Variants in MMS22L observed in about 807,000 individuals in gnomAD.
MMS22L encodes the protein MMS22 like, DNA repair protein, also known as protein MMS22-like.
In MMS22L, 74 loss-of-function variants were observed where a neutral mutation model predicts 159.1. The observed-to-expected ratio is 0.47, with a 90% CI of 0.39 to 0.56. MMS22L has a LOEUF of 0.56. MMS22L is among the 20% of genes least tolerant of loss of function. MMS22L has a pLI of 0.00. For synonymous variants in MMS22L, 517 were observed against 506.9 expected (o/e 1.02, Z -0.27); for missense variants, 1,351 against 1,422.1 (o/e 0.95, Z 0.80).
At chr6:97,183,995 T>C (rs1024242161) in intron 15 of MMS22L, among the ~76,000 whole-genome samples, 3 of 152,148 alleles carry the variant, frequency 2.0e-5, no homozygotes. Context: ...TTAATCTAAA[T>C]TTGCAGTCTG....
rs373201587 is a variant in MMS22L, at chr6:97,231,538, C to T, written c.1417G>A (p.Glu473Lys). ...TAACTACTGCTGGATTTATATAGTTCCTGATCTTGTTTATCGCAACAGCAA... is the reference window on the plus strand; with the variant it reads ...TAACTACTGCTGGATTTATATAGTTTCTGATCTTGTTTATCGCAACAGCAA... ...KTCCCDKQDQ[E>K]LYKSSSSYTI... is the part of the protein sequence containing the mutation. Residue 473 changes from glutamate to lysine, a missense_variant, in exon 13 of 25, where the codon GAA (glutamate) becomes AAA (lysine). By Grantham distance (56) the Glu-to-Lys change is moderately conservative. Coordinates refer to ENST00000683635, the MANE Select transcript of MMS22L (RefSeq NM_001350599.2). 1.2e-5 allele frequency: 19 copies of T among 1,613,566 alleles called. No individual in the cohort carries two copies. Among genetic ancestry groups the T allele is most frequent in the Admixed American group, 3.3e-5 (2 of 59,970 alleles).
At chr6:97,259,063 AAT>A (rs1209580150) in intron 9 of MMS22L, 1 of 152,110 alleles carries the variant, frequency 6.6e-6, no homozygotes, top group Non-Finnish European at 1.5e-5. Context: ...CACCAATCTC[AAT>A]AGTTTGTCTT....
At chr6:97,192,167 C>CGGAT (rs111699319) in intron 14 of MMS22L, among the ~76,000 whole-genome samples, 2,354 of 148,470 alleles carry the variant, frequency 0.016, 41 homozygotes, top group African/African-American at 0.042. Flanking sequence ...AGGTGGTAGA[C>CGGAT]GGATGGATGG....
At chr6:97,155,361 C>T (rs1801722863) in intron 22 of MMS22L, among the ~76,000 whole-genome samples, 3 of 152,174 alleles carry the variant, frequency 2.0e-5, no homozygotes, top group Middle Eastern at 3.4e-3. Flanking sequence ...ATGTGCACAA[C>T]GTGCAGGTTT....
intron 14 of MMS22L, among the ~76,000 whole-genome samples, chr6:97,206,544 T>C (rs1807807596): frequency 6.6e-6 from 1 of 152,188 alleles, no homozygotes; most frequent in African/African-American, 2.4e-5. Context: ...TCTTATATTC[T>C]TATCCTACAG....
chr6:97,200,078 A>C lies in MMS22L; in HGVS notation c.2040-13388T>G, dbSNP rs147759248. Among the ~76,000 whole-genome samples the C allele has an allele frequency of 7.3e-3, 1,107 of 152,176 alleles. 16 individuals carry two copies. Among genetic ancestry groups the C allele is most frequent in the African/African-American group, 0.025 (1,035 of 41,536 alleles). On this transcript the variant is annotated intron_variant, in intron 14 of 24. Transcript: ENST00000683635. ...TGCCTCTGTTGTAGTCAACAATCCA[A>C]CTGTAACCTCATGTACAAAATGCAC...
intron 22 of MMS22L, among the ~76,000 whole-genome samples, chr6:97,160,607 T>C (rs1802343347): frequency 6.6e-6 from 1 of 152,086 alleles, no homozygotes; most frequent in African/African-American, 2.4e-5. Context: ...TTACCTTACC[T>C]GGAGTTAGTG....
intron 22 of MMS22L, 38 bp downstream of exon 22, chr6:97,161,964 A>G (rs540966873): frequency 1.3e-6 from 2 of 1,587,880 alleles, no homozygotes; most frequent in South Asian, 2.3e-5. Context: ...TTAACTTGTA[A>G]AAAGAAAATG....
chr6:97,244,365 G>T (rs1484511783), intron 11 of MMS22L, among the ~76,000 whole-genome samples: 1 of 152,196 alleles, frequency 6.6e-6, no homozygotes, highest in East Asian at 1.9e-4. Flanking sequence ...GGTGGGTAGA[G>T]AAAGACTGTT....
chr6:97,249,577 C>A (rs984004760), intron 10 of MMS22L, among the ~76,000 whole-genome samples: 1 of 152,192 alleles, frequency 6.6e-6, no homozygotes, highest in Non-Finnish European at 1.5e-5. Context: ...TGACATAGTG[C>A]TTCCTCAAAA....
At chr6:97,200,950 G>C (rs781556559) in intron 14 of MMS22L, among the ~76,000 whole-genome samples, 1 of 152,110 alleles carries the variant, frequency 6.6e-6, no homozygotes, top group African/African-American at 2.4e-5. Context: ...CCCATTGTTT[G>C]TAACTGCCAG....
In MMS22L at chr6:97,186,534, C is replaced by T. The variant is rs1805250055; in HGVS notation, c.2196G>A (p.Gln732=). ...CCGCAAGTTGTGAGAAAGGCACTAC[C>T]TGTGACATTCTCTGACTCTTCAAAA... is the stretch of plus-strand genomic sequence containing the variant. ...FSFLKSQRMS[Q]VVPFSQLADA... Residue 732 remains glutamine, a synonymous_variant, in exon 15 of 25, where the codon CAG becomes CAA. Transcript: ENST00000683635. The T allele has an allele frequency of 6.2e-7, 1 of 1,612,886 alleles. No individual in the cohort carries two copies. Among genetic ancestry groups the T allele is most frequent in the African/African-American group, 1.3e-5 (1 of 74,856 alleles).
chr6:97,230,936 T>G (rs1810795537), intron 13 of MMS22L: 1 of 157,644 alleles, frequency 6.3e-6, no homozygotes, highest in Non-Finnish European at 1.4e-5. Context: ...GGTGGTGTAC[T>G]GCACAAAGAA....
chr6:97,233,873 A>G lies in MMS22L; in HGVS notation c.1290T>C (p.Tyr430=). ...TCTATTCACTCACCAGGTTCTTACT[A>G]TAATATTCCCATAAAATGGTAACAA... ...IAIVTILWEY[Y]SKNLNSSFSI... The change falls in exon 12 of 25, where the codon TAT becomes TAC. Residue 430 remains tyrosine, a synonymous_variant. Coordinates refer to ENST00000683635, the MANE Select transcript of MMS22L (RefSeq NM_001350599.2). The G allele has an allele frequency of 2.5e-6, 4 of 1,607,738 alleles. No homozygotes were observed. The highest frequency in any genetic ancestry group is 3.4e-6 in the Non-Finnish European group (4 of 1,177,500).
chr6:97,231,554 G>T lies in MMS22L; in HGVS notation c.1401C>A (p.Cys467Ter). Residue 467 changes from cysteine to a stop codon, truncating the protein, a stop_gained, in exon 13 of 25, where the codon TGC (cysteine) becomes TGA (stop). Transcript: ENST00000683635. LOFTEE classifies it high-confidence loss of function. Reference sequence around the variant, plus strand: ...TATATAGTTCCTGATCTTGTTTATCGCAACAGCAAGTCTTCACCATTTCAA... The same window carrying T: ...TATATAGTTCCTGATCTTGTTTATCTCAACAGCAAGTCTTCACCATTTCAA... ...SMLEMVKTCC[C>*]DKQDQELYKS... 6.2e-7 allele frequency: 1 copy of T among 1,613,606 alleles called. No homozygotes were observed. The highest frequency in any genetic ancestry group is 8.5e-7 in the Non-Finnish European group (1 of 1,179,764).
chr6:97,234,317 T>A (rs1312010448), intron 11 of MMS22L, among the ~76,000 whole-genome samples: 1 of 152,146 alleles, frequency 6.6e-6, no homozygotes, highest in Non-Finnish European at 1.5e-5. Context: ...GCAAAAATGA[T>A]GTAACGATTA....
chr6:97,225,950 T>G (rs887862839), intron 14 of MMS22L, among the ~76,000 whole-genome samples: 4 of 152,204 alleles, frequency 2.6e-5, no homozygotes, highest in Admixed American at 1.3e-4. Flanking sequence ...TTTTCATACA[T>G]TATCAGTGAG....
At chr6:97,263,550 GAATT>G (rs1814730414) in intron 8 of MMS22L, 102 bp from the exon 9 acceptor site, 3 of 515,868 alleles carry the variant, frequency 5.8e-6, no homozygotes, top group South Asian at 4.5e-5. Flanking sequence ...AGATGACTAA[GAATT>G]TATTCTCAAT....
intron 14 of MMS22L, among the ~76,000 whole-genome samples, chr6:97,198,865 T>C (rs1806827975): frequency 1.3e-5 from 2 of 152,180 alleles, no homozygotes; most frequent in Non-Finnish European, 2.9e-5. Context: ...AAACATATGC[T>C]GAGACATTTT....
Sources: allele counts gnomAD v4.1 joint callset (sites outside exome capture counted in the v4.1 genomes callset), GRCh38; gene constraint gnomAD v4.1.1; transcripts MANE v1.5; gene names NCBI Gene and HGNC (gene_info 2026-07-23, HGNC 2026-07-21).